MTMR14: variants seen among roughly 807,000 people sequenced by gnomAD.
The protein encoded by MTMR14 is phosphatidylinositol-3,5-bisphosphate 3-phosphatase MTMR14.
MTMR14 carries 48 observed loss-of-function variants against 86.3 expected under a neutral mutation model. The ratio of observed to expected loss-of-function variants is 0.56; its 90% confidence interval spans 0.44 to 0.71. MTMR14 has a LOEUF of 0.71. Among genes scored for constraint, MTMR14 ranks in the 30% least tolerant of loss-of-function variants. MTMR14 has a pLI of 0.00. For missense variants in MTMR14, 780 were observed against 834.6 expected (o/e 0.93, Z 0.81); for synonymous variants, 366 against 326.1 (o/e 1.12, Z -1.32).
intron 7 of MTMR14, among the ~76,000 whole-genome samples, chr3:9,674,482 A>G: frequency 6.6e-6 from 1 of 152,238 alleles, no homozygotes; most frequent in Non-Finnish European, 1.5e-5. Flanking sequence ...GAAATATTGT[A>G]TAGTCATAGA....
chr3:9,688,764 G>A lies in MTMR14; in HGVS notation c.1294+10G>A. On this transcript the variant is annotated intron_variant, in intron 15 of 18. Transcript: ENST00000296003. ...GACATCTGCATGCTGAGTGAGTCCT[G>A]GGCCCCAACAGACTTCCCTTCCTCC... is the stretch of plus-strand genomic sequence containing the variant. 1 of 1,614,120 alleles carries A rather than the reference G, an allele frequency of 6.2e-7. No homozygotes were observed. Among genetic ancestry groups the A allele is most frequent in the Non-Finnish European group, 8.5e-7 (1 of 1,180,018 alleles).
At chr3:9,657,230 A>C (rs906905907) in intron 2 of MTMR14, among the ~76,000 whole-genome samples, 1 of 152,120 alleles carries the variant, frequency 6.6e-6, no homozygotes, top group African/African-American at 2.4e-5. Context: ...TTCTATGTTG[A>C]TTTTATGAGT....
At chr3:9,674,880 G>A (rs2125168060) in intron 7 of MTMR14, among the ~76,000 whole-genome samples, 1 of 152,348 alleles carries the variant, frequency 6.6e-6, no homozygotes, top group Non-Finnish European at 1.5e-5. Flanking sequence ...GGGAGGCTGA[G>A]GCAGGCAGAT....
chr3:9,657,941 G>A (rs1406220758), intron 2 of MTMR14, among the ~76,000 whole-genome samples: 1 of 152,174 alleles, frequency 6.6e-6, no homozygotes, highest in Non-Finnish European at 1.5e-5. Context: ...GGGGTTAAAA[G>A]CTGTATTTCC....
Position 9,697,794 on chromosome 3 carries a change from A to C in MTMR14, c.1697A>C (p.Gln566Pro). 1 of 1,614,146 alleles carries C rather than the reference A, an allele frequency of 6.2e-7. No homozygotes were observed. Among genetic ancestry groups the C allele is most frequent in the African/African-American group, 1.3e-5 (1 of 75,038 alleles). ...WQMVTGCGSI[Q>P]ERAVLHTDSS... is the part of the protein sequence containing the mutation. ...ATGGTAACGGGCTGTGGCAGTATTC[A>C]GGAGCGGGCTGTCCTGCACACAGAC... Residue 566 changes from glutamine (Q) to proline (P), a missense_variant, in exon 18 of 19, where the codon CAG becomes CCG. Coordinates refer to ENST00000296003, the MANE Select transcript of MTMR14 (RefSeq NM_001077525.3).
Position 9,684,662 on chromosome 3 carries a change from T to C in MTMR14, c.1042T>C (p.Leu348=), listed in dbSNP as rs1302079622. ...CTTCATCTCCCTCCTGCGCCTTTCC[T>C]TGTGGGCTGTGAGTATGAATCGGCC... ...PLFISLLRLS[L]WADGLIHTSL... is the part of the protein sequence containing the mutation. Residue 348 remains leucine (L), a synonymous_variant, in exon 11 of 19, where the codon TTG becomes CTG. Coordinates refer to ENST00000296003, the MANE Select transcript of MTMR14 (RefSeq NM_001077525.3). 7 of 1,614,134 alleles carry C rather than the reference T, an allele frequency of 4.3e-6. No individual in the cohort carries two copies. The highest frequency in any genetic ancestry group is 2.2e-5 in the East Asian group (1 of 44,872).
chr3:9,695,062 T>C (rs750720257), intron 17 of MTMR14, among the ~76,000 whole-genome samples: 2 of 152,072 alleles, frequency 1.3e-5, no homozygotes, highest in Non-Finnish European at 2.9e-5. Flanking sequence ...GCAGAGGGGG[T>C]GGAGCTTGGA....
At chr3:9,659,065 C>T (rs1039911911) in intron 2 of MTMR14, among the ~76,000 whole-genome samples, 1 of 152,100 alleles carries the variant, frequency 6.6e-6, no homozygotes, top group African/African-American at 2.4e-5. Context: ...GACACCTTGT[C>T]ACTACAAAAA....
chr3:9,700,298 T>A (rs1183625347), intron 18 of MTMR14: 1 of 152,138 alleles, frequency 6.6e-6, no homozygotes, highest in Non-Finnish European at 1.5e-5. Flanking sequence ...TAGGCATGGA[T>A]GGTCTTAGTA....
At position 9,678,088 on chromosome 3, in the gene MTMR14, A is replaced by G; in HGVS notation, c.897+30A>G. On this transcript the variant is annotated intron_variant, in intron 9 of 18. Transcript: ENST00000296003. ...GGGGCCTGACTCAAGCATTGAGGGC[A>G]GGATAAGGGAGTGGTGACCAAGGAG... The G allele has an allele frequency of 1.9e-6, 3 of 1,610,198 alleles. No individual in the cohort carries two copies. In the South Asian group the frequency reaches 3.3e-5, roughly 18 times the overall value.
intron 14 of MTMR14, 88 bp downstream of exon 14, chr3:9,687,979 C>G: frequency 9.1e-7 from 1 of 1,094,742 alleles, no homozygotes. Context: ...CCACCTCATT[C>G]CCGCCCTGCC....
At chr3:9,674,516 G>GA (rs2048746569) in intron 7 of MTMR14, among the ~76,000 whole-genome samples, 1 of 152,232 alleles carries the variant, frequency 6.6e-6, no homozygotes, top group African/African-American at 2.4e-5. Context: ...GGCTGGGCAT[G>GA]GTGGCTCACG....
At chr3:9,688,265 A>G (rs533139090) in intron 14 of MTMR14, among the ~76,000 whole-genome samples, 61 of 152,344 alleles carry the variant, frequency 4.0e-4, no homozygotes, top group Admixed American at 9.2e-4. Flanking sequence ...GGCCTACAGC[A>G]GGAAGTGTGG....
intron 9 of MTMR14, among the ~76,000 whole-genome samples, chr3:9,679,112 C>A (rs1392823549): frequency 1.3e-5 from 2 of 152,170 alleles, no homozygotes; most frequent in Non-Finnish European, 2.9e-5. Context: ...CAGCAAGGTC[C>A]ATCTTGTTTT....
chr3:9,650,353 C>T (rs774464884), intron 1 of MTMR14: 3 of 456,562 alleles, frequency 6.6e-6, no homozygotes, highest in African/African-American at 4.0e-5. Flanking sequence ...ACCTGGAGGG[C>T]TTCCTGTCAG....
In MTMR14 at chr3:9,649,654, C is replaced by T. The variant is rs1353807802; in HGVS notation, c.71C>T (p.Pro24Leu). The T allele has an allele frequency of 3.1e-6, 5 of 1,591,490 alleles. No homozygotes were observed. Among genetic ancestry groups the T allele is most frequent in the Non-Finnish European group, 3.4e-6 (4 of 1,169,568 alleles). ...TCGGCCTCTTCAGGCAACCAGCCGC[C>T]TCAGGAGCTGGGGCTTGGGGAGCTG... ...GSSASSGNQP[P>L]QELGLGELLE... is the part of the protein sequence containing the mutation. Residue 24 changes from proline (P) to leucine (L), a missense_variant, in exon 1 of 19, where the codon CCT becomes CTT. By Grantham distance (98) the Pro-to-Leu change is moderately conservative. Transcript: ENST00000296003.
chr3:9,656,804 G>T (rs1465515374), intron 2 of MTMR14, among the ~76,000 whole-genome samples: 1 of 152,102 alleles, frequency 6.6e-6, no homozygotes, highest in East Asian at 1.9e-4. Flanking sequence ...TTTTTGCCTT[G>T]CCATTCTCTT....
intron 9 of MTMR14, among the ~76,000 whole-genome samples, chr3:9,680,015 C>G (rs2075707885): frequency 6.6e-6 from 1 of 152,158 alleles, no homozygotes; most frequent in Non-Finnish European, 1.5e-5. Context: ...GTACCCTGTT[C>G]CTTTTCACCA....
Position 9,669,499 on chromosome 3 carries a change from G to A in MTMR14, c.554+7G>A. On this transcript the variant is annotated splice_region_variant and intron_variant, in intron 5 of 18. Transcript: ENST00000296003. ...AGGAGGACTGTGCTCTTCGGTCAGT[G>A]CTGGGTTGCTGTGGTCAGGGGCTTG... The A allele has an allele frequency of 6.2e-7, 1 of 1,611,846 alleles. No individual in the cohort carries two copies. The highest frequency in any genetic ancestry group is 8.5e-7 in the Non-Finnish European group (1 of 1,178,716).
Sources: gnomAD v4.1 joint callset for allele counts (sites outside exome capture counted in the v4.1 genomes callset) on GRCh38, gnomAD v4.1.1 for gene constraint, MANE v1.5 for transcripts, NCBI Gene and HGNC (gene_info 2026-07-23, HGNC 2026-07-21) for gene names.